Variants in ZSCAN1 observed in about 807,000 individuals in gnomAD.
ZSCAN1 encodes the protein zinc finger and SCAN domain-containing protein 1.
In ZSCAN1, 23 loss-of-function variants were observed where a neutral mutation model predicts 23.8. That is an observed-to-expected ratio of 0.97 (90% confidence interval 0.70 to 1.37). ZSCAN1 has a LOEUF of 1.37. ZSCAN1 is among the 40% of genes most tolerant of loss of function. The probability of loss-of-function intolerance (pLI) is 0.00; values close to 1 mark genes in which losing one functional copy is unlikely to be tolerated. For synonymous variants in ZSCAN1, 236 were observed against 232.3 expected, an observed-to-expected ratio of 1.02 and a Z score of -0.15; for missense variants, 575 against 554.0, an observed-to-expected ratio of 1.04 and a Z score of -0.38.
intron 4 of ZSCAN1, among the ~76,000 whole-genome samples, chr19:58,050,358 C>G (rs2073851509): frequency 6.6e-6 from 1 of 151,600 alleles, no homozygotes. Flanking sequence ...ATCGCTTGAA[C>G]CCAGCGGGTG....
intron 4 of ZSCAN1, among the ~76,000 whole-genome samples, chr19:58,042,060 A>G (rs1376636945): frequency 6.6e-6 from 1 of 152,162 alleles, no homozygotes; most frequent in Admixed American, 6.5e-5. Context: ...GCTTGCTTGG[A>G]CCAGTATAGG....
At chr19:58,035,166 G>A (rs1261478656) in intron 1 of ZSCAN1, among the ~76,000 whole-genome samples, 1 of 151,956 alleles carries the variant, frequency 6.6e-6, no homozygotes, top group Non-Finnish European at 1.5e-5. Context: ...AGGACCCCAG[G>A]GCCACCACAG....
chr19:58,037,897 G>T lies in ZSCAN1; in HGVS notation c.61G>T (p.Glu21Ter), dbSNP rs1313064562. ...ACGCCCCCAGACCCCAACCCCGAGT[G>T]AGCAGGACGCAGACCCTGGGCCAGC... ...PRRPQTPTPSEQDADPGPASP... is the reference protein window; with the variant it reads ...PRRPQTPTPS Residue 21 changes from glutamate to a stop codon, truncating the protein, a stop_gained, in exon 3 of 6, where the codon GAG becomes TAG. Coordinates refer to ENST00000282326, the MANE Select transcript of ZSCAN1 (RefSeq NM_182572.4). LOFTEE classifies it high-confidence loss of function. The T allele has an allele frequency of 1.9e-6, 3 of 1,587,784 alleles. No individual in the cohort carries two copies. The highest frequency in any genetic ancestry group is 2.7e-5 in the African/African-American group (2 of 74,528).
chr19:58,048,701 A>G, intron 4 of ZSCAN1, among the ~76,000 whole-genome samples: 1 of 152,042 alleles, frequency 6.6e-6, no homozygotes, highest in East Asian at 1.9e-4. Context: ...CAAGTGATCT[A>G]CCTGCCTTGG....
At chr19:58,054,984 C>T (rs1297500396), downstream of ZSCAN1, among the ~76,000 whole-genome samples, 2 of 152,302 alleles carry the variant, frequency 1.3e-5, no homozygotes, top group East Asian at 3.9e-4. The surrounding 1 kb of genome is among the most constrained non-coding windows in gnomAD (Gnocchi z 4.2). Flanking sequence ...TGTGGGCAGG[C>T]GGTGACGTCA....
chr19:58,044,164 C>G (rs1241014227), intron 4 of ZSCAN1, among the ~76,000 whole-genome samples: 1 of 151,898 alleles, frequency 6.6e-6, no homozygotes, highest in South Asian at 2.1e-4. Context: ...TCCAGCTACT[C>G]CGGAAGCTGA....
intron 3 of ZSCAN1, among the ~76,000 whole-genome samples, chr19:58,038,936 C>T (rs1204795248): frequency 6.6e-6 from 1 of 152,250 alleles, no homozygotes; most frequent in Non-Finnish European, 1.5e-5. Context: ...AAGGAGGGTG[C>T]CAGGCAGCCA....
At position 58,045,708 on chromosome 19, in the gene ZSCAN1, A is replaced by G; in HGVS notation, c.465+5164A>G. On this transcript the variant is annotated intron_variant, in intron 4 of 5. Coordinates refer to ENST00000282326, the MANE Select transcript of ZSCAN1 (RefSeq NM_182572.4). The surrounding 1 kb of genome is among the most constrained non-coding windows in gnomAD (Gnocchi z 4.3). ...AGGAGCTGCAGGCGGCATGTCGGGCACGAGGCATGCGGGCCCTGGGCGTCA... is the reference window on the plus strand; with the variant it reads ...AGGAGCTGCAGGCGGCATGTCGGGCGCGAGGCATGCGGGCCCTGGGCGTCA... 2.0e-6 allele frequency: 2 copies of G among 998,860 alleles called. No individual in the cohort carries two copies. Among genetic ancestry groups the G allele is most frequent in the East Asian group, 2.4e-5 (1 of 41,732 alleles). 61.9% of individuals were successfully genotyped at this position (998,860 alleles called of 1,614,324 possible). A position where few individuals can be genotyped will look rare whatever the true frequency, so the allele number is the denominator to read the frequency against.
Position 58,052,875 on chromosome 19 carries a change from A to AC in ZSCAN1, c.604+247_604+248insC, listed in dbSNP as rs377363505. ...AACGGCAGCCAAGGCAGACAGTCTG[A>AC]GAGTGTTGGAGCACGGGGTTACCCA... On this transcript the variant is annotated intron_variant, in intron 5 of 5. Coordinates refer to ENST00000282326, the MANE Select transcript of ZSCAN1 (RefSeq NM_182572.4). Among the ~76,000 whole-genome samples the AC allele has an allele frequency of 1.4e-4, 22 of 152,004 alleles. No individual in the cohort carries two copies. The East Asian group carries it at 3.7e-3, about 25-fold the overall frequency.
In ZSCAN1 at chr19:58,040,090, C is replaced by T. The variant is rs1437894782; in HGVS notation, c.371-360C>T. On this transcript the variant is annotated intron_variant, in intron 3 of 5. Transcript: ENST00000282326. The surrounding 1 kb of genome is among the most constrained non-coding windows in gnomAD (Gnocchi z 5.8). ...GTGTCCTGAACCCTGCTTCAGCAGT[C>T]GTCCTCTGTGCACTCTGTGCACACA... is the stretch of plus-strand genomic sequence containing the variant. Among the ~76,000 whole-genome samples, 1 of 152,140 alleles carries T rather than the reference C, an allele frequency of 6.6e-6. No homozygotes were observed. Among genetic ancestry groups the T allele is most frequent in the Non-Finnish European group, 1.5e-5 (1 of 68,028 alleles).
At chr19:58,038,970 G>A (rs2073764401) in intron 3 of ZSCAN1, among the ~76,000 whole-genome samples, 1 of 152,268 alleles carries the variant, frequency 6.6e-6, no homozygotes, top group Non-Finnish European at 1.5e-5. Context: ...AAGGCTGGGA[G>A]TGAGAAGGGT....
In ZSCAN1 at chr19:58,052,472, C is replaced by T. The variant is rs1324461071; in HGVS notation, c.466-18C>T. On this transcript the variant is annotated intron_variant, in intron 4 of 5. Coordinates refer to ENST00000282326, the MANE Select transcript of ZSCAN1 (RefSeq NM_182572.4). ...CCTGAGGGGCAGCTGCCGAACAGTC[C>T]TGTGCTTGCCATTCTAGGCGTCTGA... 1 of 1,613,960 alleles carries T rather than the reference C, an allele frequency of 6.2e-7. No homozygotes were observed. Among genetic ancestry groups the T allele is most frequent in the Admixed American group, 1.7e-5 (1 of 60,020 alleles).
chr19:58,045,325 A>C lies in ZSCAN1; in HGVS notation c.465+4781A>C. 1.3e-6 allele frequency: 1 copy of C among 795,154 alleles called. No homozygotes were observed. The allele number at this position is 795,154 out of a possible 1,614,324, so 49.3% of individuals were successfully genotyped here. A position where few individuals can be genotyped will look rare whatever the true frequency, so the allele number is the denominator to read the frequency against. ...ACATCCGAGACTCAGTCCATCAAGGAGAAGAGGCTGAAGGAGCTTCAGGTC... is the reference window on the plus strand; with the variant it reads ...ACATCCGAGACTCAGTCCATCAAGGCGAAGAGGCTGAAGGAGCTTCAGGTC... On this transcript the variant is annotated intron_variant, in intron 4 of 5. Transcript: ENST00000282326. This position sits in a 1 kb window ranked among gnomAD's most constrained non-coding sequence, Gnocchi z 4.3.
At chr19:58,044,445 T>G in intron 4 of ZSCAN1, 1 of 372,434 alleles carries the variant, frequency 2.7e-6, no homozygotes. Flanking sequence ...GCTGGGCGCC[T>G]CCTGTCCGAG....
At chr19:58,038,518 T>C in intron 3 of ZSCAN1, 2 of 554,850 alleles carry the variant, frequency 3.6e-6, no homozygotes, top group Non-Finnish European at 6.3e-6. Flanking sequence ...GCCTCGCCAC[T>C]TCCTCCCAGC....
intron 4 of ZSCAN1, chr19:58,046,668 C>T: frequency 1.1e-6 from 1 of 877,912 alleles, no homozygotes; most frequent in Non-Finnish European, 2.0e-6. Flanking sequence ...ATGTTCACGT[C>T]TCCACCAGTC....
At position 58,053,595 on chromosome 19, in the gene ZSCAN1, G is replaced by C. The variant is rs1365137443; in HGVS notation, c.771G>C (p.Gln257His). ...SPRRRNRNTD[Q>H]SGRHQPSLKH... ...GAAGGAGAAACAGGAACACTGACCA[G>C]AGCGGCCGCCACCAGCCATCCCTCA... The change falls in exon 6 of 6, where the codon CAG (glutamine) becomes CAC (histidine). Residue 257 changes from glutamine to histidine, a missense_variant. Coordinates refer to ENST00000282326, the MANE Select transcript of ZSCAN1 (RefSeq NM_182572.4). This position sits in a 1 kb window ranked among gnomAD's most constrained non-coding sequence, Gnocchi z 5.8. 1.9e-6 allele frequency: 3 copies of C among 1,614,158 alleles called. No individual in the cohort carries two copies. Among genetic ancestry groups the C allele is most frequent in the African/African-American group, 1.3e-5 (1 of 75,040 alleles).
chr19:58,046,159 G>C, intron 4 of ZSCAN1: 1 of 731,612 alleles, frequency 1.4e-6, no homozygotes, highest in Non-Finnish European at 2.5e-6. Context: ...CCCCGTGCTA[G>C]AGGGCTTGAA....
At position 58,045,820 on chromosome 19, in the gene ZSCAN1, C is replaced by G; in HGVS notation, c.465+5276C>G. The G allele has an allele frequency of 6.7e-7, 1 of 1,495,860 alleles. No homozygotes were observed. Among genetic ancestry groups the G allele is most frequent in the East Asian group, 2.3e-5 (1 of 44,304 alleles). 92.7% of individuals were successfully genotyped at this position (1,495,860 alleles called of 1,614,324 possible). On this transcript the variant is annotated intron_variant, in intron 4 of 5. Coordinates refer to ENST00000282326, the MANE Select transcript of ZSCAN1 (RefSeq NM_182572.4). This position sits in a 1 kb window ranked among gnomAD's most constrained non-coding sequence, Gnocchi z 4.3. ...CCCCACATCGCTGCTCATCCTGTCC[C>G]GGACCATGTAGCTCCCGGACACCCT...
Sources: allele counts gnomAD v4.1 joint callset (sites outside exome capture counted in the v4.1 genomes callset), GRCh38; gene constraint gnomAD v4.1.1; non-coding constraint Gnocchi (gnomAD v3.1); transcripts MANE v1.5; gene names NCBI Gene and HGNC (gene_info 2026-07-23, HGNC 2026-07-21).